The following IGF2BP3 variants were observed in gnomAD, a reference collection of about 807,000 sequenced individuals.
IGF2BP3 encodes insulin-like growth factor 2 mRNA-binding protein 3.
In IGF2BP3, 9 loss-of-function variants were observed where a neutral mutation model predicts 73.8. The observed-to-expected ratio is 0.12, with a 90% CI of 0.07 to 0.21. The LOEUF (loss-of-function observed/expected upper bound fraction) is 0.21. Ranked by LOEUF, IGF2BP3 falls within the 10% of genes least tolerant of loss-of-function variation. The pLI is 1.00. For missense variants in IGF2BP3, 542 were observed against 714.0 expected (o/e 0.76, Z 2.75); for synonymous variants, 258 against 256.7 (o/e 1.01, Z -0.05).
intron 6 of IGF2BP3, 118 bp downstream of exon 6, chr7:23,351,187 T>C (rs757552232): frequency 1.9e-5 from 20 of 1,046,794 alleles, no homozygotes; most frequent in Admixed American, 1.8e-4. Context: ...TCCCAAGTAC[T>C]GTACAAGGAG....
intron 10 of IGF2BP3, among the ~76,000 whole-genome samples, chr7:23,326,046 A>G (rs578201522): frequency 6.6e-6 from 1 of 152,186 alleles, no homozygotes; most frequent in Non-Finnish European, 1.5e-5. Flanking sequence ...CAATGGCAAC[A>G]AAAGCCAAAA....
At chr7:23,459,757 A>G (rs1788402246) in intron 2 of IGF2BP3, among the ~76,000 whole-genome samples, 1 of 151,966 alleles carries the variant, frequency 6.6e-6, no homozygotes, top group Non-Finnish European at 1.5e-5. Context: ...CTTGAACCTG[A>G]GAGGAGGAGG....
chr7:23,329,023 C>T (rs1382046327), intron 10 of IGF2BP3, among the ~76,000 whole-genome samples: 5 of 152,004 alleles, frequency 3.3e-5, no homozygotes, highest in Non-Finnish European at 7.4e-5. Flanking sequence ...TCCTGGCTAA[C>T]ACCGTGAAAC....
At chr7:23,368,341 A>AAAAAAG in intron 3 of IGF2BP3, among the ~76,000 whole-genome samples, 1 of 141,638 alleles carries the variant, frequency 7.1e-6, no homozygotes, top group African/African-American at 2.7e-5. Flanking sequence ...GAAAGAAAGA[A>AAAAAAG]AAAAAGAAAG....
intron 10 of IGF2BP3, among the ~76,000 whole-genome samples, chr7:23,331,985 G>A (rs1392547025): frequency 2.6e-5 from 4 of 151,820 alleles, no homozygotes; most frequent in Non-Finnish European, 5.9e-5. Flanking sequence ...GCGGCAGGAG[G>A]GAGAGAGAGA....
intron 10 of IGF2BP3, among the ~76,000 whole-genome samples, chr7:23,326,629 G>A (rs554542730): frequency 3.3e-4 from 50 of 150,814 alleles, no homozygotes; most frequent in Admixed American, 2.2e-3. Flanking sequence ...TATGTTTATT[G>A]CGGCATTATT....
At chr7:23,350,558 T>C (rs746440015) in intron 6 of IGF2BP3, among the ~76,000 whole-genome samples, 25 of 152,176 alleles carry the variant, frequency 1.6e-4, no homozygotes, top group Non-Finnish European at 3.4e-4. Flanking sequence ...CAAAACAACA[T>C]ATAATGCATG....
At chr7:23,439,371 G>A (rs573206393) in intron 2 of IGF2BP3, among the ~76,000 whole-genome samples, 7 of 151,668 alleles carry the variant, frequency 4.6e-5, no homozygotes, top group African/African-American at 7.3e-5. Context: ...TGGCTAACAC[G>A]GTGAAACCCC....
intron 3 of IGF2BP3, among the ~76,000 whole-genome samples, chr7:23,374,159 G>A (rs546772710): frequency 6.6e-6 from 1 of 152,264 alleles, no homozygotes; most frequent in African/African-American, 2.4e-5. Flanking sequence ...ACTCAAAGAA[G>A]TACTTCTACA....
Position 23,351,447 on chromosome 7 carries a change from T to C in IGF2BP3, c.541A>G (p.Arg181Gly). 4 of 1,613,732 alleles carry C rather than the reference T, an allele frequency of 2.5e-6. No individual in the cohort carries two copies. Among genetic ancestry groups the C allele is most frequent in the Non-Finnish European group, 3.4e-6 (4 of 1,179,838 alleles). Residue 181 changes from arginine to glycine, a missense_variant, in exon 6 of 15, where the codon AGG (arginine) becomes GGG (glycine). Transcript: ENST00000258729. ...RRGLGQRGSS[R>G]QGSPGSVSKQ... ...GATACGGATCCTGGAGACCCCTGCC[T>C]TGAGGAGCCCCTCTGCCCAAGCCCC...
chr7:23,382,146 C>T lies in IGF2BP3; in HGVS notation c.286-20405G>A, dbSNP rs528433299. Among the ~76,000 whole-genome samples, 42 of 152,004 alleles carry T rather than the reference C, an allele frequency of 2.8e-4. 1 individual carries two copies. In the South Asian group the frequency reaches 7.9e-3, roughly 29 times the overall value. The stretch of plus-strand genomic sequence containing the variant: ...CTGTGGTCCCAGCTATTCAGGAGGC[C>T]GAGGTGGGAGGATCACTTGAGCCCA... On this transcript the variant is annotated intron_variant, in intron 3 of 14. Coordinates refer to ENST00000258729, the MANE Select transcript of IGF2BP3 (RefSeq NM_006547.3).
chr7:23,416,749 C>T (rs931736907), intron 3 of IGF2BP3, among the ~76,000 whole-genome samples: 2 of 152,146 alleles, frequency 1.3e-5, no homozygotes, highest in South Asian at 2.1e-4. Context: ...GCATACCCAG[C>T]GTGAATAAAT....
In IGF2BP3 at chr7:23,432,693, G is replaced by A. The variant is rs185564814; in HGVS notation, c.237-13869C>T. Among the ~76,000 whole-genome samples the A allele has an allele frequency of 3.0e-4, 45 of 150,700 alleles. 1 individual carries two copies. Among genetic ancestry groups the A allele is most frequent in the Middle Eastern group, 6.8e-3 (2 of 292 alleles). On this transcript the variant is annotated intron_variant, in intron 2 of 14. Coordinates refer to ENST00000258729, the MANE Select transcript of IGF2BP3 (RefSeq NM_006547.3). ...CTTGCTCTGTTGCTCAGACTGGAGT[G>A]CAAACGGCATGATCTCTGCCCATTG...
At chr7:23,380,586 C>T (rs560139063) in intron 3 of IGF2BP3, among the ~76,000 whole-genome samples, 1 of 152,322 alleles carries the variant, frequency 6.6e-6, no homozygotes, top group East Asian at 1.9e-4. Flanking sequence ...TAAACTAGAA[C>T]ACACTATGTC....
intron 3 of IGF2BP3, among the ~76,000 whole-genome samples, chr7:23,409,771 A>G (rs1786959266): frequency 1.3e-5 from 2 of 152,208 alleles, no homozygotes; most frequent in Non-Finnish European, 1.5e-5. Flanking sequence ...ATAGGAGAAA[A>G]CCTTCATAAC....
At chr7:23,366,507 T>C (rs1785375807) in intron 3 of IGF2BP3, among the ~76,000 whole-genome samples, 1 of 150,680 alleles carries the variant, frequency 6.6e-6, no homozygotes, top group Admixed American at 6.6e-5. Flanking sequence ...TGAGTTTTAT[T>C]GTCTGTGAAT....
intron 3 of IGF2BP3, among the ~76,000 whole-genome samples, chr7:23,409,622 G>C (rs1786953833): frequency 6.6e-6 from 1 of 152,142 alleles, no homozygotes. Flanking sequence ...AAAAGTGTGA[G>C]GGCAATTCAA....
chr7:23,344,220 T>C (rs567779322), intron 8 of IGF2BP3, among the ~76,000 whole-genome samples: 1 of 152,352 alleles, frequency 6.6e-6, no homozygotes, highest in Admixed American at 6.5e-5. Flanking sequence ...GGAAACCAAA[T>C]ACCCTAAGTA....
At chr7:23,342,020 A>G in intron 10 of IGF2BP3, 44 bp downstream of exon 10, 2 of 1,506,002 alleles carry the variant, frequency 1.3e-6, no homozygotes, top group Non-Finnish European at 8.8e-7. Context: ...GTTTACATTA[A>G]GATTTTGCCC....
Sources: gnomAD v4.1 joint callset for allele counts (sites outside exome capture counted in the v4.1 genomes callset) on GRCh38, gnomAD v4.1.1 for gene constraint, MANE v1.5 for transcripts, NCBI Gene and HGNC (gene_info 2026-07-23, HGNC 2026-07-21) for gene names.